The following PPP2R5E variants were observed in gnomAD, a reference collection of about 807,000 sequenced individuals.
The protein encoded by PPP2R5E is serine/threonine-protein phosphatase 2A 56 kDa regulatory subunit epsilon isoform.
PPP2R5E carries 4 observed loss-of-function variants against 65.3 expected under a neutral mutation model. That is an observed-to-expected ratio of 0.06 (90% CI 0.03 to 0.14). PPP2R5E has a LOEUF of 0.14. Ranked by LOEUF, PPP2R5E falls within the 10% of genes least tolerant of loss-of-function variation. PPP2R5E has a pLI of 1.00. For missense variants in PPP2R5E, 274 were observed against 556.1 expected (o/e 0.49, Z 5.10); for synonymous variants, 183 against 187.4 (o/e 0.98, Z 0.19).
intron 5 of PPP2R5E, among the ~76,000 whole-genome samples, chr14:63,409,502 GAATT>G (rs1477846051): frequency 6.6e-6 from 1 of 152,118 alleles, no homozygotes; most frequent in Admixed American, 6.5e-5. Context: ...GTGAAAAGAT[GAATT>G]AATATTTAAT....
chr14:63,490,903 A>G (rs910121407), intron 2 of PPP2R5E, among the ~76,000 whole-genome samples: 19 of 152,118 alleles, frequency 1.2e-4, no homozygotes, highest in African/African-American at 4.6e-4. Context: ...AAAGAAAAAT[A>G]AATGGTTGTT....
rs769227981 is a variant in PPP2R5E at position 63,461,640 on chromosome 14, T to TTAA, written c.158-7756_158-7755insTTA. Among the ~76,000 whole-genome samples, 3 of 139,790 alleles carry TTAA rather than the reference T, an allele frequency of 2.1e-5. No individual in the cohort carries two copies. In the East Asian group the frequency reaches 6.2e-4, roughly 29 times the overall value. The allele number at this position is 139,790 out of a possible 152,430, so 91.7% of individuals were successfully genotyped here. A position where few individuals can be genotyped will look rare whatever the true frequency, so the allele number is the denominator to read the frequency against. ...AGCGAGATCGCGTCTCTACAAAATT[T>TTAA]AAAAAAAAAAAAAAATTGCTGGGCT... is the stretch of plus-strand genomic sequence containing the variant. On this transcript the variant is annotated intron_variant, in intron 2 of 13. Coordinates refer to ENST00000337537, the MANE Select transcript of PPP2R5E (RefSeq NM_006246.5).
chr14:63,531,956 A>AAC lies in PPP2R5E; in HGVS notation c.157+7571_157+7572dup, dbSNP rs150782373. On this transcript the variant is annotated intron_variant, in intron 2 of 13. Coordinates refer to ENST00000337537, the MANE Select transcript of PPP2R5E (RefSeq NM_006246.5). ...CAACAAGAGCGAACCTCCATCTCAA[A>AAC]ACACACACACACACACAAATCTTAG... 5.8e-3 allele frequency among the ~76,000 whole-genome samples: 875 copies of AAC among 150,982 alleles called. 5 individuals carry two copies. Among genetic ancestry groups the AAC allele is most frequent in the Non-Finnish European group, 7.4e-3 (502 of 67,672 alleles).
intron 1 of PPP2R5E, among the ~76,000 whole-genome samples, chr14:63,542,163 C>A (rs1426621957): frequency 6.6e-6 from 1 of 152,162 alleles, no homozygotes; most frequent in Non-Finnish European, 1.5e-5. Flanking sequence ...ATCATTTACC[C>A]CTTATGCCCG....
At chr14:63,505,689 T>G (rs1158530975) in intron 2 of PPP2R5E, among the ~76,000 whole-genome samples, 1 of 152,228 alleles carries the variant, frequency 6.6e-6, no homozygotes, top group Non-Finnish European at 1.5e-5. Context: ...CTGGACCAGC[T>G]GCATCCCCTC....
chr14:63,437,795 G>T (rs1325848097), intron 3 of PPP2R5E, among the ~76,000 whole-genome samples: 1 of 152,024 alleles, frequency 6.6e-6, no homozygotes, highest in African/African-American at 2.4e-5. Flanking sequence ...GAACTTCCTT[G>T]TCCATTTTGT....
At chr14:63,487,621 C>G (rs1891062007) in intron 2 of PPP2R5E, among the ~76,000 whole-genome samples, 1 of 152,184 alleles carries the variant, frequency 6.6e-6, no homozygotes, top group African/African-American at 2.4e-5. Context: ...TTTTGAGGGT[C>G]TTAACAAATT....
intron 13 of PPP2R5E, among the ~76,000 whole-genome samples, chr14:63,378,447 G>C (rs1443494845): frequency 6.6e-6 from 1 of 152,186 alleles, no homozygotes; most frequent in Non-Finnish European, 1.5e-5. Context: ...TTAATTAAGT[G>C]TTGACATCAT....
intron 2 of PPP2R5E, among the ~76,000 whole-genome samples, chr14:63,463,599 G>A (rs528535431): frequency 2.7e-5 from 4 of 145,708 alleles, no homozygotes; most frequent in Non-Finnish European, 6.0e-5. Context: ...ACTCGAATTC[G>A]CTTTTTTTTT....
intron 4 of PPP2R5E, among the ~76,000 whole-genome samples, chr14:63,419,288 ATT>A (rs1315045004): frequency 6.6e-6 from 1 of 152,176 alleles, no homozygotes; most frequent in Non-Finnish European, 1.5e-5. Flanking sequence ...CCCGTCAGGT[ATT>A]TATACTTTCT....
At chr14:63,448,731 AGTG>A (rs1353791648) in intron 3 of PPP2R5E, among the ~76,000 whole-genome samples, 1 of 147,180 alleles carries the variant, frequency 6.8e-6, no homozygotes, top group Non-Finnish European at 1.5e-5. Context: ...GGGAGGTTGC[AGTG>A]AGCCAAGATC....
At chr14:63,399,081 G>T (rs1885583249) in intron 5 of PPP2R5E, among the ~76,000 whole-genome samples, 1 of 152,142 alleles carries the variant, frequency 6.6e-6, no homozygotes, top group Non-Finnish European at 1.5e-5. Flanking sequence ...GTTCATGGGA[G>T]CAATATTCAT....
At chr14:63,426,392 T>C (rs1305732484) in intron 3 of PPP2R5E, among the ~76,000 whole-genome samples, 2 of 150,770 alleles carry the variant, frequency 1.3e-5, no homozygotes, top group Non-Finnish European at 2.9e-5. Flanking sequence ...GCATTAAAGA[T>C]GATGGCTATA....
intron 3 of PPP2R5E, among the ~76,000 whole-genome samples, chr14:63,435,285 A>T (rs1339701968): frequency 6.6e-6 from 1 of 152,104 alleles, no homozygotes; most frequent in African/African-American, 2.4e-5. Flanking sequence ...AAAAAAAAGC[A>T]GACTAGGAGC....
rs1176414535 is a variant in PPP2R5E, at chr14:63,374,668, T to A, written c.*1341A>T. ...ATATATATATATATATATATATATATAAAATACAGCCCTAGATTTTGTTTT... is the reference window on the plus strand; with the variant it reads ...ATATATATATATATATATATATATAAAAAATACAGCCCTAGATTTTGTTTT... On this transcript the variant is annotated 3_prime_UTR_variant, in exon 14 of 14. Coordinates refer to ENST00000337537, the MANE Select transcript of PPP2R5E (RefSeq NM_006246.5). The A allele has an allele frequency of 8.4e-5, 10 of 119,278 alleles. No homozygotes were observed. The highest frequency in any genetic ancestry group is 2.5e-4 in the African/African-American group (8 of 31,416). The allele number at this position is 119,278 out of a possible 1,614,324, so 7.4% of individuals were successfully genotyped here. A position where few individuals can be genotyped will look rare whatever the true frequency, so the allele number is the denominator to read the frequency against.
intron 2 of PPP2R5E, among the ~76,000 whole-genome samples, chr14:63,484,075 T>C (rs376190981): frequency 3.2e-5 from 4 of 124,298 alleles, no homozygotes; most frequent in African/African-American, 1.6e-4. Context: ...AGAGTGAGAC[T>C]CCACCAAAAA....
At chr14:63,413,042 AGC>A (rs1303252956) in intron 5 of PPP2R5E, among the ~76,000 whole-genome samples, 1 of 152,242 alleles carries the variant, frequency 6.6e-6, no homozygotes, top group East Asian at 1.9e-4. Context: ...AAATGGAACA[AGC>A]TACCTGTGTA....
intron 5 of PPP2R5E, among the ~76,000 whole-genome samples, chr14:63,400,995 T>C (rs1009847505): frequency 3.9e-5 from 6 of 152,188 alleles, no homozygotes; most frequent in Admixed American, 1.3e-4. Flanking sequence ...GTTTAATGAA[T>C]ACACAATAAT....
In PPP2R5E at chr14:63,467,103, G is replaced by A. The variant is rs567782767; in HGVS notation, c.158-13218C>T. On this transcript the variant is annotated intron_variant, in intron 2 of 13. Coordinates refer to ENST00000337537, the MANE Select transcript of PPP2R5E (RefSeq NM_006246.5). ...TAGCCGGGCGTGGTGGCAGGCGCCT[G>A]TAGTCCCAGCTACTCGGGAGGCTGA... Among the ~76,000 whole-genome samples the A allele has an allele frequency of 9.5e-3, 1,440 of 151,804 alleles. 32 individuals are homozygous for A. The highest frequency in any genetic ancestry group is 0.034 in the African/African-American group (1,384 of 41,236).
Sources: gnomAD v4.1 joint callset for allele counts (sites outside exome capture counted in the v4.1 genomes callset) on GRCh38, gnomAD v4.1.1 for gene constraint, MANE v1.5 for transcripts, NCBI Gene and HGNC (gene_info 2026-07-23, HGNC 2026-07-21) for gene names.